CNTNAP2: variants seen among roughly 807,000 people sequenced by gnomAD.
CNTNAP2 encodes the protein contactin-associated protein-like 2.
Under a neutral mutation model 155.2 loss-of-function variants are expected in CNTNAP2, and 98 were observed. That is an observed-to-expected ratio of 0.63 (90% CI 0.54 to 0.75). The LOEUF (loss-of-function observed/expected upper bound fraction) is 0.75, where lower values mean the gene tolerates loss of function less well. CNTNAP2 is among the 30% of genes least tolerant of loss of function. The pLI, the probability that CNTNAP2 is intolerant of heterozygous loss-of-function variation, is 0.00. For synonymous variants in CNTNAP2, 651 were observed against 631.2 expected (o/e 1.03, Z -0.47); for missense variants, 1,727 against 1,688.1 (o/e 1.02, Z -0.40).
In CNTNAP2 at chr7:146,467,838, G is replaced by T. The variant is rs1796737682; in HGVS notation, c.98-306433G>T. Reference sequence around the variant, plus strand: ...TAGCACAAAGTTATAATGTCTTCCTGTTATTGAAATATTGAATAATACCTT... The same window carrying T: ...TAGCACAAAGTTATAATGTCTTCCTTTTATTGAAATATTGAATAATACCTT... On this transcript the variant is annotated intron_variant, in intron 1 of 23. Transcript: ENST00000361727. Among the ~76,000 whole-genome samples, 8 of 152,036 alleles carry T rather than the reference G, an allele frequency of 5.3e-5. No individual in the cohort carries two copies. The South Asian group carries it at 1.7e-3, about 31-fold the overall frequency.
At chr7:147,945,861 TC>T (rs1379949478) in intron 14 of CNTNAP2, among the ~76,000 whole-genome samples, 2 of 124,214 alleles carry the variant, frequency 1.6e-5, no homozygotes, top group African/African-American at 5.4e-5. Flanking sequence ...TCTTTTTTTT[TC>T]TTTTTCTTTT....
intron 15 of CNTNAP2, among the ~76,000 whole-genome samples, chr7:148,061,974 G>GAT (rs1420582080): frequency 1.6e-5 from 2 of 121,944 alleles, no homozygotes; most frequent in Non-Finnish European, 3.3e-5. Flanking sequence ...TAGATAGATA[G>GAT]ATAGATAGAT....
intron 1 of CNTNAP2, among the ~76,000 whole-genome samples, chr7:146,327,964 G>A (rs1057118519): frequency 1.3e-5 from 2 of 152,162 alleles, no homozygotes; most frequent in Non-Finnish European, 2.9e-5. Flanking sequence ...ACTACAGGAC[G>A]TATGGTGGAC....
chr7:147,737,337 G>C (rs767978727), intron 13 of CNTNAP2, among the ~76,000 whole-genome samples: 2 of 152,150 alleles, frequency 1.3e-5, no homozygotes, highest in Non-Finnish European at 2.9e-5. Flanking sequence ...GCAGAACAGT[G>C]AATATTGGTG....
intron 13 of CNTNAP2, among the ~76,000 whole-genome samples, chr7:147,825,262 C>T (rs901728110): frequency 1.3e-4 from 20 of 152,216 alleles, no homozygotes; most frequent in African/African-American, 4.8e-4. Flanking sequence ...TTATAGATAT[C>T]CTGAGCAGTG....
At chr7:148,213,127 A>C (rs1212382517) in intron 18 of CNTNAP2, among the ~76,000 whole-genome samples, 1 of 151,990 alleles carries the variant, frequency 6.6e-6, no homozygotes, top group African/African-American at 2.4e-5. Flanking sequence ...CAGGTACACT[A>C]CCCTGCCTCA....
intron 13 of CNTNAP2, among the ~76,000 whole-genome samples, chr7:147,855,847 G>A (rs1306552732): frequency 6.6e-6 from 1 of 152,106 alleles, no homozygotes; most frequent in African/African-American, 2.4e-5. Flanking sequence ...CAACATTGAA[G>A]GTTGGCTCTC....
At chr7:146,962,476 C>G (rs1797574213) in intron 3 of CNTNAP2, among the ~76,000 whole-genome samples, 1 of 152,204 alleles carries the variant, frequency 6.6e-6, no homozygotes, top group Non-Finnish European at 1.5e-5. Flanking sequence ...TTTTAACCCA[C>G]TTTGGGTAAA....
At chr7:148,048,670 A>G (rs1471238037) in intron 15 of CNTNAP2, among the ~76,000 whole-genome samples, 2 of 152,238 alleles carry the variant, frequency 1.3e-5, no homozygotes, top group African/African-American at 4.8e-5. Context: ...AAATGGGCAA[A>G]CAGGAGGAAG....
At chr7:146,450,429 G>T (rs1160591566) in intron 1 of CNTNAP2, among the ~76,000 whole-genome samples, 1 of 152,188 alleles carries the variant, frequency 6.6e-6, no homozygotes, top group Non-Finnish European at 1.5e-5. Flanking sequence ...CTCATTTTCT[G>T]CATTAAGCTG....
intron 1 of CNTNAP2, among the ~76,000 whole-genome samples, chr7:146,349,018 A>G (rs1306210338): frequency 6.6e-6 from 1 of 152,148 alleles, no homozygotes; most frequent in East Asian, 1.9e-4. Flanking sequence ...GCTGAGCTTA[A>G]AATCAGAATG....
intron 14 of CNTNAP2, among the ~76,000 whole-genome samples, chr7:147,938,025 G>A (rs1036509968): frequency 1.9e-4 from 29 of 152,076 alleles, no homozygotes; most frequent in African/African-American, 6.8e-4. Context: ...CTCAGGTGGG[G>A]GAAATGACTT....
chr7:146,954,581 C>T (rs1213008021), intron 3 of CNTNAP2, among the ~76,000 whole-genome samples: 1 of 151,834 alleles, frequency 6.6e-6, no homozygotes, highest in East Asian at 1.9e-4. Context: ...ATTGATGGAT[C>T]TGGTGGACTT....
intron 10 of CNTNAP2, among the ~76,000 whole-genome samples, chr7:147,438,270 T>A (rs1797584279): frequency 6.6e-6 from 1 of 152,118 alleles, no homozygotes; most frequent in Non-Finnish European, 1.5e-5. Context: ...GCTTTCATTA[T>A]GCTGAGATAT....
At chr7:146,725,222 G>A (rs949363965) in intron 1 of CNTNAP2, among the ~76,000 whole-genome samples, 3 of 152,272 alleles carry the variant, frequency 2.0e-5, no homozygotes, top group African/African-American at 4.8e-5. Flanking sequence ...CCCGAATCCA[G>A]TATTACCTCA....
chr7:146,948,002 A>G (rs2129227251), intron 3 of CNTNAP2, among the ~76,000 whole-genome samples: 1 of 152,260 alleles, frequency 6.6e-6, no homozygotes, highest in South Asian at 2.1e-4. Context: ...TTCTCACCTT[A>G]TAATAGCATA....
At chr7:147,945,757 A>G (rs73166302) in intron 14 of CNTNAP2, among the ~76,000 whole-genome samples, 245 of 151,908 alleles carry the variant, frequency 1.6e-3, no homozygotes, top group Middle Eastern at 3.4e-3. Flanking sequence ...ATAAAATAAA[A>G]TAAAATAATT....
At chr7:146,624,031 A>G (rs1193569595) in intron 1 of CNTNAP2, among the ~76,000 whole-genome samples, 2 of 152,016 alleles carry the variant, frequency 1.3e-5, no homozygotes, top group Non-Finnish European at 2.9e-5. Flanking sequence ...TTGTTAATAT[A>G]TGTTTACTTG....
intron 15 of CNTNAP2, among the ~76,000 whole-genome samples, chr7:148,006,615 G>A (rs1414616965): frequency 3.4e-5 from 5 of 148,886 alleles, no homozygotes; most frequent in South Asian, 4.3e-4. Flanking sequence ...CACCGTGCCC[G>A]GCCATAATAG....
Sources: allele counts gnomAD v4.1 joint callset (sites outside exome capture counted in the v4.1 genomes callset), GRCh38; gene constraint gnomAD v4.1.1; transcripts MANE v1.5; gene names NCBI Gene and HGNC (gene_info 2026-07-23, HGNC 2026-07-21).